The following SLC24A3 variants were observed in gnomAD, a reference collection of about 807,000 sequenced individuals.
SLC24A3 encodes the protein solute carrier family 24 member 3.
SLC24A3 carries 28 observed loss-of-function variants against 75.8 expected under a neutral mutation model. The observed-to-expected ratio is 0.37, with a 90% CI of 0.27 to 0.51. The LOEUF (loss-of-function observed/expected upper bound fraction) is 0.51, where lower values mean the gene tolerates loss of function less well. SLC24A3 is among the 20% of genes least tolerant of loss of function. The pLI is 0.94. For missense variants in SLC24A3, 663 were observed against 847.8 expected (o/e 0.78, Z 2.71); for synonymous variants, 372 against 334.1 (o/e 1.11, Z -1.24).
At chr20:19,678,017 T>C (rs2032548524) in intron 9 of SLC24A3, among the ~76,000 whole-genome samples, 2 of 151,300 alleles carry the variant, frequency 1.3e-5, no homozygotes, top group Non-Finnish European at 2.9e-5. Flanking sequence ...GAGCACAGGG[T>C]TGGGGGGTAA....
chr20:19,386,002 C>G (rs1358502720), intron 2 of SLC24A3, among the ~76,000 whole-genome samples: 1 of 152,172 alleles, frequency 6.6e-6, no homozygotes, highest in Non-Finnish European at 1.5e-5. Context: ...CTGTAGATCA[C>G]TTTGGCTAGC....
At chr20:19,368,080 G>A (rs1234621260) in intron 2 of SLC24A3, among the ~76,000 whole-genome samples, 1 of 152,168 alleles carries the variant, frequency 6.6e-6, no homozygotes, top group Non-Finnish European at 1.5e-5. Context: ...GAATAGGGCT[G>A]TGAGGGTGTG....
chr20:19,488,132 G>C (rs1307689965), intron 2 of SLC24A3, among the ~76,000 whole-genome samples: 6 of 152,168 alleles, frequency 3.9e-5, no homozygotes, highest in Non-Finnish European at 8.8e-5. Context: ...GCATGCGCTG[G>C]GTAGCGCATT....
At chr20:19,385,556 G>A (rs960415400) in intron 2 of SLC24A3, among the ~76,000 whole-genome samples, 3 of 151,996 alleles carry the variant, frequency 2.0e-5, no homozygotes, top group African/African-American at 7.2e-5. Context: ...AAGTCAGGTG[G>A]CGTGATGCCT....
chr20:19,492,970 G>A (rs1192294437), intron 2 of SLC24A3, among the ~76,000 whole-genome samples: 1 of 149,272 alleles, frequency 6.7e-6, no homozygotes, highest in Non-Finnish European at 1.5e-5. Context: ...TTCAGAGTAT[G>A]GTATTTCTAA....
At chr20:19,579,798 A>G (rs2031193244) in intron 3 of SLC24A3, among the ~76,000 whole-genome samples, 1 of 152,188 alleles carries the variant, frequency 6.6e-6, no homozygotes, top group African/African-American at 2.4e-5. Context: ...AAGTGGGCAA[A>G]AGGAGAGTGA....
At chr20:19,465,212 T>A (rs1299088998) in intron 2 of SLC24A3, among the ~76,000 whole-genome samples, 2 of 152,142 alleles carry the variant, frequency 1.3e-5, no homozygotes, top group African/African-American at 2.4e-5. Flanking sequence ...CTCGGCTCAT[T>A]TACATTGGAG....
intron 2 of SLC24A3, among the ~76,000 whole-genome samples, chr20:19,406,408 T>C (rs1986647549): frequency 6.6e-6 from 1 of 152,184 alleles, no homozygotes; most frequent in Non-Finnish European, 1.5e-5. Context: ...TTTACAGATT[T>C]TCTGACTCTC....
intron 2 of SLC24A3, among the ~76,000 whole-genome samples, chr20:19,333,116 C>T (rs878913436): frequency 1.3e-5 from 2 of 152,152 alleles, no homozygotes; most frequent in Admixed American, 6.5e-5. Context: ...TAAAGAGGGG[C>T]AGTGGTTGTA....
intron 15 of SLC24A3, among the ~76,000 whole-genome samples, chr20:19,707,781 G>C (rs2032946139): frequency 6.6e-6 from 1 of 152,202 alleles, no homozygotes; most frequent in Non-Finnish European, 1.5e-5. Context: ...TGGGAGATGA[G>C]GAACACATTT....
At chr20:19,591,828 T>C (rs531190295) in intron 6 of SLC24A3, among the ~76,000 whole-genome samples, 1 of 152,320 alleles carries the variant, frequency 6.6e-6, no homozygotes, top group East Asian at 1.9e-4. Flanking sequence ...CAGAGATAAA[T>C]GATTACAGGA....
intron 2 of SLC24A3, among the ~76,000 whole-genome samples, chr20:19,418,039 T>G (rs1986856131): frequency 6.6e-6 from 1 of 152,180 alleles, no homozygotes; most frequent in Non-Finnish European, 1.5e-5. Context: ...CACTCTGCAG[T>G]GAAACCCTGA....
rs561772399 is a variant in SLC24A3, at chr20:19,627,548, A to G, written c.613-26514A>G. Among the ~76,000 whole-genome samples the G allele has an allele frequency of 5.4e-5, 8 of 148,860 alleles. No homozygotes were observed. In the South Asian group the frequency reaches 8.3e-4, roughly 15 times the overall value. On this transcript the variant is annotated intron_variant, in intron 6 of 16. Coordinates refer to ENST00000328041, the MANE Select transcript of SLC24A3 (RefSeq NM_020689.4). ...TGGCAGATGGACTGAGGATGGGGGG[A>G]AAAAAAGGCACAGAATGAAAACAAG...
At chr20:19,251,158 C>T (rs1042372816) in intron 1 of SLC24A3, among the ~76,000 whole-genome samples, 1 of 152,178 alleles carries the variant, frequency 6.6e-6, no homozygotes, top group Non-Finnish European at 1.5e-5. Flanking sequence ...AAACCCAGCT[C>T]ACCCTCTAAA....
At chr20:19,225,030 C>T (rs1305736814) in intron 1 of SLC24A3, among the ~76,000 whole-genome samples, 2 of 152,110 alleles carry the variant, frequency 1.3e-5, no homozygotes, top group Non-Finnish European at 2.9e-5. Flanking sequence ...GAAACACTGG[C>T]TGTTGGAATG....
intron 6 of SLC24A3, among the ~76,000 whole-genome samples, chr20:19,650,834 G>A (rs539430850): frequency 1.3e-5 from 2 of 152,048 alleles, no homozygotes; most frequent in African/African-American, 2.4e-5. Context: ...TTGTTTGCTT[G>A]CTTAGTTTTC....
chr20:19,657,495 T>C lies in SLC24A3; in HGVS notation c.687+3359T>C, dbSNP rs114704979. 5.3e-3 allele frequency among the ~76,000 whole-genome samples: 801 copies of C among 152,362 alleles called. 8 individuals are homozygous for C. Among genetic ancestry groups the C allele is most frequent in the African/African-American group, 0.018 (748 of 41,592 alleles). On this transcript the variant is annotated intron_variant, in intron 7 of 16. Coordinates refer to ENST00000328041, the MANE Select transcript of SLC24A3 (RefSeq NM_020689.4). ...TTCCTTGGGGTATTCATCTGTTGCA[T>C]AGAAATGATAATTTCTGGAGTCAGT...
At chr20:19,562,729 T>A (rs983763574) in intron 3 of SLC24A3, among the ~76,000 whole-genome samples, 3 of 152,194 alleles carry the variant, frequency 2.0e-5, no homozygotes, top group Non-Finnish European at 4.4e-5. Flanking sequence ...CAGCCTCAGA[T>A]TGGGCCCCTA....
chr20:19,484,126 G>A (rs1315520253), intron 2 of SLC24A3, among the ~76,000 whole-genome samples: 1 of 152,178 alleles, frequency 6.6e-6, no homozygotes, highest in Non-Finnish European at 1.5e-5. Flanking sequence ...GGTAAGGGTT[G>A]AGTATCCCTT....
Sources: gnomAD v4.1 joint callset for allele counts (sites outside exome capture counted in the v4.1 genomes callset) on GRCh38, gnomAD v4.1.1 for gene constraint, MANE v1.5 for transcripts, NCBI Gene and HGNC (gene_info 2026-07-23, HGNC 2026-07-21) for gene names.